The following DLC1 variants were observed in gnomAD, a reference collection of about 807,000 sequenced individuals.
DLC1 encodes rho GTPase-activating protein 7.
In DLC1, 54 loss-of-function variants were observed where a neutral mutation model predicts 140.3. That is an observed-to-expected ratio of 0.38 (90% CI 0.31 to 0.48). The LOEUF (loss-of-function observed/expected upper bound fraction) is 0.48. Among genes scored for constraint, DLC1 ranks in the 20% least tolerant of loss-of-function variants. DLC1 has a pLI of 0.96. For synonymous variants in DLC1, 986 were observed against 728.1 expected, an observed-to-expected ratio of 1.35 and a Z score of -5.70; for missense variants, 2,536 against 1,907.0, an observed-to-expected ratio of 1.33 and a Z score of -6.14.
rs77753653 is a variant in DLC1, at chr8:13,406,181, G to GTTTTT, written c.1024-4567_1024-4563dup. Among the ~76,000 whole-genome samples the GTTTTT allele has an allele frequency of 7.1e-4, 60 of 84,954 alleles. 3 individuals are homozygous for GTTTTT. The highest frequency in any genetic ancestry group is 9.9e-4 in the Non-Finnish European group (46 of 46,358). 55.7% of individuals were successfully genotyped at this position (84,954 alleles called of 152,430 possible). A position where few individuals can be genotyped will look rare whatever the true frequency, so the allele number is the denominator to read the frequency against. On this transcript the variant is annotated intron_variant, in intron 2 of 17. Transcript: ENST00000276297. Reference sequence around the variant, plus strand: ...GCCACCATCCCCAGCTAATTTTTGTGTTTTTTTTTTTTTTTTTCAGTGGAG... The same window carrying GTTTTT: ...GCCACCATCCCCAGCTAATTTTTGTGTTTTTTTTTTTTTTTTTTTTTTCAGTGGAG...
chr8:13,088,775 G>T, intron 15 of DLC1, 71 bp from the exon 16 acceptor site: 1 of 1,366,562 alleles, frequency 7.3e-7, no homozygotes, highest in Non-Finnish European at 1.0e-6. Context: ...CGAATTGTTA[G>T]TTAGACTAAC....
chr8:13,499,452 T>G lies in DLC1; in HGVS notation c.620A>C (p.Lys207Thr), dbSNP rs1293911533. 26 of 1,613,930 alleles carry G rather than the reference T, an allele frequency of 1.6e-5. No homozygotes were observed. The highest frequency in any genetic ancestry group is 2.0e-5 in the Non-Finnish European group (24 of 1,179,996). Reference protein sequence around the residue: ...ISLSEIKDAPKVNAVDTLNVK... With the variant: ...ISLSEIKDAPTVNAVDTLNVK... ...GTTCAAAGTATCCACTGCATTTACT[T>G]TGGGTGCATCTTTTATTTCACTTAA... Residue 207 changes from lysine to threonine, a missense_variant, in exon 2 of 18, where the codon AAA becomes ACA. Transcript: ENST00000276297.
At chr8:13,439,741 C>T (rs1412603250) in intron 2 of DLC1, among the ~76,000 whole-genome samples, 1 of 152,160 alleles carries the variant, frequency 6.6e-6, no homozygotes, top group Non-Finnish European at 1.5e-5. Context: ...AGCATTATGT[C>T]TCCTTCTGAG....
chr8:13,421,260 A>G (rs534625890), intron 2 of DLC1, among the ~76,000 whole-genome samples: 1 of 152,230 alleles, frequency 6.6e-6, no homozygotes, highest in African/African-American at 2.4e-5. Flanking sequence ...TTCTGCATAT[A>G]TTATCTCCTC....
chr8:13,287,791 A>C (rs187862266), intron 5 of DLC1, among the ~76,000 whole-genome samples: 1 of 152,202 alleles, frequency 6.6e-6, no homozygotes, highest in East Asian at 1.9e-4. Flanking sequence ...AAGATAAAGA[A>C]AGGATACATG....
chr8:13,086,058 GGCCGA>G, intron 17 of DLC1, 127 bp from the exon 18 acceptor site: 1 of 1,436,854 alleles, frequency 7.0e-7, no homozygotes, highest in Admixed American at 2.5e-5. Flanking sequence ...TTGAATTCAT[GGCCGA>G]GCTACCATAT....
At chr8:13,250,504 G>T (rs982926093) in intron 5 of DLC1, among the ~76,000 whole-genome samples, 11 of 152,172 alleles carry the variant, frequency 7.2e-5, no homozygotes, top group Admixed American at 6.5e-4. Flanking sequence ...CTGGAGTAAA[G>T]TACTTACTTT....
At chr8:13,307,061 G>A (rs1832467498) in intron 4 of DLC1, among the ~76,000 whole-genome samples, 2 of 136,280 alleles carry the variant, frequency 1.5e-5, no homozygotes, top group African/African-American at 2.7e-5. Context: ...TCCATCCAGG[G>A]TGACAGAGAG....
intron 5 of DLC1, among the ~76,000 whole-genome samples, chr8:13,127,146 G>A (rs1435979455): frequency 2.6e-5 from 4 of 152,186 alleles, no homozygotes; most frequent in Admixed American, 2.6e-4. Context: ...GTGAGCTAAG[G>A]AATTATTTTC....
In DLC1 at chr8:13,427,372, C is replaced by G. The variant is rs370925701; in HGVS notation, c.1024-25753G>C. Among the ~76,000 whole-genome samples the G allele has an allele frequency of 2.6e-5, 4 of 152,178 alleles. No homozygotes were observed. The East Asian group carries it at 7.7e-4, about 29-fold the overall frequency. ...CAGCAGCTCCAGTCCTGAGGCTCCC[C>G]CTAGTCTCCACCCATTTCTCCTTTC... is the stretch of plus-strand genomic sequence containing the variant. On this transcript the variant is annotated intron_variant, in intron 2 of 17. Transcript: ENST00000276297.
At chr8:13,229,296 C>A (rs1452867917) in intron 5 of DLC1, among the ~76,000 whole-genome samples, 1 of 152,116 alleles carries the variant, frequency 6.6e-6, no homozygotes, top group Non-Finnish European at 1.5e-5. Flanking sequence ...ACATTACGAA[C>A]CTTGTAAACA....
At chr8:13,490,361 T>G (rs11990129) in intron 2 of DLC1, among the ~76,000 whole-genome samples, 5,577 of 152,296 alleles carry the variant, frequency 0.037, 342 homozygotes, top group African/African-American at 0.13. Flanking sequence ...CCTTTGAAAT[T>G]GGTGAGGTTA....
chr8:13,390,734 T>C (rs1836717449), intron 4 of DLC1, among the ~76,000 whole-genome samples: 1 of 152,184 alleles, frequency 6.6e-6, no homozygotes, highest in Non-Finnish European at 1.5e-5. Flanking sequence ...ACGCCTGTAA[T>C]CCCAGCACTT....
chr8:13,567,145 G>A, intron 1 of DLC1: 2 of 1,551,746 alleles, frequency 1.3e-6, no homozygotes, highest in East Asian at 2.4e-5. Context: ...CCTGACCTCT[G>A]GGAGCAAACT....
intron 5 of DLC1, among the ~76,000 whole-genome samples, chr8:13,212,874 C>A (rs762862689): frequency 1.3e-5 from 2 of 152,176 alleles, no homozygotes. Context: ...ATGTTTGTTT[C>A]TAGCTTAAGC....
At chr8:13,147,391 A>C (rs1211788796) in intron 5 of DLC1, among the ~76,000 whole-genome samples, 1 of 152,222 alleles carries the variant, frequency 6.6e-6, no homozygotes. Flanking sequence ...TTGGGGTCAC[A>C]TTCTTCTATC....
chr8:13,444,992 G>C (rs906157641), intron 2 of DLC1, among the ~76,000 whole-genome samples: 1 of 151,962 alleles, frequency 6.6e-6, no homozygotes, highest in Admixed American at 6.6e-5. Flanking sequence ...AAAAAGGCAG[G>C]ATGATAGCAG....
chr8:13,093,764 A>G (rs1475985657), intron 12 of DLC1, among the ~76,000 whole-genome samples: 1 of 152,236 alleles, frequency 6.6e-6, no homozygotes, highest in African/African-American at 2.4e-5. Context: ...TCCATTTCTC[A>G]TAAAATAAAG....
chr8:13,186,501 G>A (rs1393846125), intron 5 of DLC1, among the ~76,000 whole-genome samples: 1 of 152,020 alleles, frequency 6.6e-6, no homozygotes, highest in African/African-American at 2.4e-5. Context: ...AGCTCCATCA[G>A]GTCATTTAAG....
Sources: gnomAD v4.1 joint callset for allele counts (sites outside exome capture counted in the v4.1 genomes callset) on GRCh38, gnomAD v4.1.1 for gene constraint, MANE v1.5 for transcripts, NCBI Gene and HGNC (gene_info 2026-07-23, HGNC 2026-07-21) for gene names.